The following DLC1 variants were observed in gnomAD, a reference collection of about 807,000 sequenced individuals.
The protein encoded by DLC1 is rho GTPase-activating protein 7.
Under a neutral mutation model 140.3 loss-of-function variants are expected in DLC1, and 54 were observed. That is an observed-to-expected ratio of 0.38 (90% CI 0.31 to 0.48). The LOEUF is 0.48. Among genes scored for constraint, DLC1 ranks in the 20% least tolerant of loss-of-function variants. The probability of loss-of-function intolerance (pLI) is 0.96; values close to 1 mark genes in which losing one functional copy is unlikely to be tolerated. For missense variants in DLC1, 2,536 were observed against 1,907.0 expected (o/e 1.33, Z -6.14); for synonymous variants, 986 against 728.1 (o/e 1.35, Z -5.70).
intron 2 of DLC1, among the ~76,000 whole-genome samples, chr8:13,443,242 A>G (rs1643916339): frequency 6.6e-6 from 1 of 151,680 alleles, no homozygotes; most frequent in South Asian, 2.1e-4. Context: ...ATTAGGAGAT[A>G]TACCTAAGGT....
chr8:13,375,136 T>C (rs1586231408), intron 4 of DLC1, among the ~76,000 whole-genome samples: 1 of 151,542 alleles, frequency 6.6e-6, no homozygotes, highest in East Asian at 2.0e-4. Context: ...CACGCCATTC[T>C]CCTGCCTTAG....
At chr8:13,219,033 T>TATAATTATATAC (rs1563174046) in intron 5 of DLC1, among the ~76,000 whole-genome samples, 1 of 40,098 alleles carries the variant, frequency 2.5e-5, no homozygotes, top group African/African-American at 1.3e-4. Context: ...TATATAATTA[T>TATAATTATATAC]GTGAATATAA....
At chr8:13,179,804 G>T (rs777880025) in intron 5 of DLC1, among the ~76,000 whole-genome samples, 1 of 151,972 alleles carries the variant, frequency 6.6e-6, no homozygotes, top group Non-Finnish European at 1.5e-5. Flanking sequence ...TAAAGAAATA[G>T]ATATTAAACT....
At chr8:13,109,858 C>A (rs1819928135) in intron 7 of DLC1, among the ~76,000 whole-genome samples, 1 of 152,062 alleles carries the variant, frequency 6.6e-6, no homozygotes, top group East Asian at 1.9e-4. Flanking sequence ...GCACTCCAGC[C>A]TGGGCAACAA....
chr8:13,137,622 A>ATTTT (rs1822671212), intron 5 of DLC1, among the ~76,000 whole-genome samples: 1 of 128,678 alleles, frequency 7.8e-6, no homozygotes. Context: ...TTTTTTTGAG[A>ATTTT]TGGAGTTTCA....
chr8:13,422,675 T>G (rs2117352787), intron 2 of DLC1, among the ~76,000 whole-genome samples: 1 of 152,244 alleles, frequency 6.6e-6, no homozygotes, highest in South Asian at 2.1e-4. Flanking sequence ...TTTATTTTCT[T>G]TTATTTTTTC....
chr8:13,318,869 G>A (rs1347609753), intron 4 of DLC1, among the ~76,000 whole-genome samples: 7 of 152,210 alleles, frequency 4.6e-5, no homozygotes, highest in Admixed American at 4.6e-4. Flanking sequence ...AGTAAAGGGA[G>A]AAATCATAGT....
At chr8:13,143,027 A>G (rs12680301) in intron 5 of DLC1, among the ~76,000 whole-genome samples, 89,311 of 148,006 alleles carry the variant, frequency 0.6, 28,154 homozygotes, top group East Asian at 0.88. Flanking sequence ...TGGGCAACAA[A>G]AGTGAAACTC....
chr8:13,511,021 C>T (rs962580409), intron 1 of DLC1, among the ~76,000 whole-genome samples: 9 of 151,816 alleles, frequency 5.9e-5, no homozygotes, highest in African/African-American at 2.2e-4. Flanking sequence ...ATTTCACAAA[C>T]ATTTATTGAC....
rs1293165997 is a variant in DLC1, at chr8:13,149,210, C to T, written c.1349-33553G>A. ...TAACTCAAGTAAACTTTCAAAACTC[C>T]TCCATTTGCCCTTCCTAGTTCACAT... On this transcript the variant is annotated intron_variant, in intron 5 of 17. Coordinates refer to ENST00000276297, the MANE Select transcript of DLC1 (RefSeq NM_182643.3). Among the ~76,000 whole-genome samples, 3 of 152,150 alleles carry T rather than the reference C, an allele frequency of 2.0e-5. No individual in the cohort carries two copies. In the East Asian group the frequency reaches 5.8e-4, roughly 29 times the overall value.
chr8:13,568,001 C>A, intron 1 of DLC1: 1 of 1,471,110 alleles, frequency 6.8e-7, no homozygotes, highest in Non-Finnish European at 9.0e-7. Flanking sequence ...ATAATTTCTA[C>A]AGGCACTTGG....
At chr8:13,442,679 G>A (rs959744447) in intron 2 of DLC1, among the ~76,000 whole-genome samples, 1 of 152,174 alleles carries the variant, frequency 6.6e-6, no homozygotes, top group Non-Finnish European at 1.5e-5. Context: ...CAGTTAAAAT[G>A]ACAATCATTA....
At chr8:13,519,198 G>A (rs1258412386), upstream of DLC1, among the ~76,000 whole-genome samples, 2 of 146,856 alleles carry the variant, frequency 1.4e-5, no homozygotes, top group African/African-American at 2.5e-5. Flanking sequence ...CGCAATCTCG[G>A]CTCACTGCAA....
chr8:13,256,439 C>T (rs1274306940), intron 5 of DLC1, among the ~76,000 whole-genome samples: 1 of 152,160 alleles, frequency 6.6e-6, no homozygotes, highest in Admixed American at 6.5e-5. Flanking sequence ...TATTGCAACA[C>T]TATTCACAAT....
intron 4 of DLC1, among the ~76,000 whole-genome samples, chr8:13,317,282 G>A (rs1586125869): frequency 6.6e-6 from 1 of 152,266 alleles, no homozygotes; most frequent in Admixed American, 6.5e-5. Context: ...TAGGAAGTAT[G>A]AAAACGTTAG....
chr8:13,483,871 C>T (rs1293430970), intron 2 of DLC1, among the ~76,000 whole-genome samples: 2 of 152,086 alleles, frequency 1.3e-5, no homozygotes, highest in Non-Finnish European at 2.9e-5. Context: ...CACTTGAGGT[C>T]AGGAGTTCGA....
At chr8:13,183,485 G>C (rs1826159400) in intron 5 of DLC1, among the ~76,000 whole-genome samples, 1 of 152,152 alleles carries the variant, frequency 6.6e-6, no homozygotes, top group South Asian at 2.1e-4. Flanking sequence ...TTTGAGATAT[G>C]TTCCATCAAT....
At chr8:13,435,294 C>G (rs1839068258) in intron 2 of DLC1, among the ~76,000 whole-genome samples, 1 of 152,040 alleles carries the variant, frequency 6.6e-6, no homozygotes, top group African/African-American at 2.4e-5. Flanking sequence ...ATGATAAAAC[C>G]TGAATGGATG....
intron 4 of DLC1, among the ~76,000 whole-genome samples, chr8:13,349,342 C>CTT (rs1834524307): frequency 6.6e-6 from 1 of 151,994 alleles, no homozygotes; most frequent in East Asian, 1.9e-4. Flanking sequence ...ACAGAATAAG[C>CTT]AGATTCACCT....
Sources: gnomAD v4.1 joint callset for allele counts (sites outside exome capture counted in the v4.1 genomes callset) on GRCh38, gnomAD v4.1.1 for gene constraint, MANE v1.5 for transcripts, NCBI Gene and HGNC (gene_info 2026-07-23, HGNC 2026-07-21) for gene names.